The following PLXNA4 variants were observed in gnomAD, a reference collection of about 807,000 sequenced individuals.
PLXNA4 encodes the protein plexin-A4.
A neutral mutation model predicts 191.8 loss-of-function variants in PLXNA4; 44 were observed. The ratio of observed to expected loss-of-function variants is 0.23; its 90% CI spans 0.18 to 0.29. The LOEUF (loss-of-function observed/expected upper bound fraction) is 0.29. Ranked by LOEUF, PLXNA4 falls within the 10% of genes least tolerant of loss-of-function variation. The probability of loss-of-function intolerance (pLI) is 1.00; values close to 1 mark genes in which losing one functional copy is unlikely to be tolerated. For missense variants in PLXNA4, 1,800 were observed against 2,488.8 expected (o/e 0.72, Z 5.89); for synonymous variants, 1,082 against 1,009.5 (o/e 1.07, Z -1.36).
chr7:132,144,969 G>A (rs1279034131), intron 29 of PLXNA4, 150 bp downstream of exon 29: 3 of 1,105,040 alleles, frequency 2.7e-6, no homozygotes, highest in Non-Finnish European at 3.9e-6. Flanking sequence ...TGGATGGGGA[G>A]GACCAGAGAA....
At chr7:132,338,317 C>T (rs74982261) in intron 3 of PLXNA4, among the ~76,000 whole-genome samples, 2,110 of 152,316 alleles carry the variant, frequency 0.014, 63 homozygotes, top group African/African-American at 0.048. Flanking sequence ...GTAGATGAAA[C>T]TTTAGTGTGT....
At chr7:132,191,269 A>G (rs575316364) in intron 14 of PLXNA4, among the ~76,000 whole-genome samples, 8 of 152,298 alleles carry the variant, frequency 5.3e-5, no homozygotes, top group South Asian at 4.1e-4. Flanking sequence ...AGAATGGGAA[A>G]AGGAAGACTC....
chr7:132,306,497 G>C (rs1429662485), intron 3 of PLXNA4, among the ~76,000 whole-genome samples: 5 of 152,186 alleles, frequency 3.3e-5, no homozygotes, highest in Non-Finnish European at 5.9e-5. Context: ...ATCTCTCTCA[G>C]GAGGGAGCAA....
chr7:132,259,264 C>A (rs541956731), intron 4 of PLXNA4, among the ~76,000 whole-genome samples: 143 of 151,732 alleles, frequency 9.4e-4, no homozygotes, highest in African/African-American at 3.4e-3. Context: ...ACTCAGAGAT[C>A]ATGGCTTAGA....
At position 132,636,204 on chromosome 7, in the gene PLXNA4, G is replaced by A. The variant is rs545528522; in HGVS notation, c.-87+9724C>T. Among the ~76,000 whole-genome samples the A allele has an allele frequency of 7.9e-5, 12 of 152,340 alleles. No individual in the cohort carries two copies. The South Asian group carries it at 2.1e-3, about 26-fold the overall frequency. On this transcript the variant is annotated intron_variant, in intron 2 of 4. Transcript: ENST00000378539. ...TCTGCGCAAGAACTCCAAGCAAACC[G>A]AAGATTTCATAGCCAAAAGCCAGAA...
At chr7:132,329,959 G>A (rs755429470) in intron 3 of PLXNA4, among the ~76,000 whole-genome samples, 1 of 152,146 alleles carries the variant, frequency 6.6e-6, no homozygotes, top group Non-Finnish European at 1.5e-5. Context: ...TGAGCACCAC[G>A]TACCCTGTCT....
chr7:132,507,378 G>A (rs906623951), intron 2 of PLXNA4, 128 bp downstream of exon 2: 1 of 1,035,322 alleles, frequency 9.7e-7, no homozygotes, highest in Admixed American at 3.0e-5. Flanking sequence ...GAGACTCAGA[G>A]ATGGGATGGG....
At chr7:132,370,940 T>A (rs1244087845) in intron 3 of PLXNA4, among the ~76,000 whole-genome samples, 1 of 152,196 alleles carries the variant, frequency 6.6e-6, no homozygotes, top group Non-Finnish European at 1.5e-5. Flanking sequence ...GGAGAGCTGA[T>A]GCCTGGTTGG....
intron 3 of PLXNA4, among the ~76,000 whole-genome samples, chr7:132,400,948 A>G (rs1241582378): frequency 1.3e-5 from 2 of 152,218 alleles, no homozygotes; most frequent in Admixed American, 6.5e-5. Flanking sequence ...TCTATTTTCA[A>G]TTTCATTCCC....
At chr7:132,136,149 C>T (rs543276001) in intron 30 of PLXNA4, among the ~76,000 whole-genome samples, 6 of 152,304 alleles carry the variant, frequency 3.9e-5, no homozygotes, top group East Asian at 1.9e-4. Flanking sequence ...TTGTGCCTGA[C>T]GCTGACTCAT....
At chr7:132,459,995 T>C (rs1317794617) in intron 3 of PLXNA4, among the ~76,000 whole-genome samples, 2 of 136,652 alleles carry the variant, frequency 1.5e-5, no homozygotes, top group Admixed American at 1.5e-4. Context: ...CAGTACCCAA[T>C]GCAGTCACGA....
chr7:132,226,734 A>G (rs2116973671), intron 7 of PLXNA4, among the ~76,000 whole-genome samples: 1 of 152,326 alleles, frequency 6.6e-6, no homozygotes, highest in East Asian at 1.9e-4. Context: ...TCAGGGCTCC[A>G]CCGGGGCGGG....
chr7:132,228,282 T>C (rs1798400025), intron 6 of PLXNA4, 64 bp downstream of exon 6: 34 of 1,604,720 alleles, frequency 2.1e-5, no homozygotes, highest in Non-Finnish European at 2.7e-5. Context: ...GCTAAGGCAC[T>C]TTTTAGTGAG....
intron 3 of PLXNA4, among the ~76,000 whole-genome samples, chr7:132,404,368 C>T (rs1794122883): frequency 6.6e-6 from 1 of 152,242 alleles, no homozygotes; most frequent in African/African-American, 2.4e-5. Context: ...AAACGATATG[C>T]AGCCCCCTTA....
At chr7:132,292,088 C>T (rs1285865248) in intron 4 of PLXNA4, among the ~76,000 whole-genome samples, 3 of 152,216 alleles carry the variant, frequency 2.0e-5, no homozygotes, top group Non-Finnish European at 2.9e-5. Flanking sequence ...AGCCCCCACA[C>T]TCAGCCCCCA....
At chr7:132,538,478 C>G (rs1352477525) in intron 1 of PLXNA4, among the ~76,000 whole-genome samples, 2 of 152,228 alleles carry the variant, frequency 1.3e-5, no homozygotes, top group African/African-American at 4.8e-5. Flanking sequence ...AGCATTACTG[C>G]AAAAGCATTA....
rs116681722 is a variant in PLXNA4 at position 132,589,287 on chromosome 7, G to A, written c.-87+56641C>T. Among the ~76,000 whole-genome samples the A allele has an allele frequency of 5.4e-3, 816 of 152,078 alleles. 6 individuals are homozygous for A. The highest frequency in any genetic ancestry group is 0.019 in the African/African-American group (790 of 41,486). On this transcript the variant is annotated intron_variant, in intron 2 of 4. Transcript: ENST00000378539. ...GTGGGATTGTGAGGGAGAGAGTGTC[G>A]ATTTAGAATGCAATTCTTCTTGATT...
At chr7:132,273,013 C>T (rs1385672654) in intron 4 of PLXNA4, among the ~76,000 whole-genome samples, 1 of 152,116 alleles carries the variant, frequency 6.6e-6, no homozygotes, top group Non-Finnish European at 1.5e-5. Context: ...TTATTTAACT[C>T]TGTAACTCTC....
chr7:132,431,905 G>A (rs1795277439), intron 3 of PLXNA4, among the ~76,000 whole-genome samples: 1 of 152,184 alleles, frequency 6.6e-6, no homozygotes, highest in Non-Finnish European at 1.5e-5. Context: ...CTGAGACGAG[G>A]ATAGGACCTC....
Sources: allele counts gnomAD v4.1 joint callset (sites outside exome capture counted in the v4.1 genomes callset), GRCh38; gene constraint gnomAD v4.1.1; transcripts MANE v1.5; gene names NCBI Gene and HGNC (gene_info 2026-07-23, HGNC 2026-07-21).